The following CNOT2 variants were observed in gnomAD, a reference collection of about 807,000 sequenced individuals.
CNOT2 encodes the protein CCR4-NOT transcription complex subunit 2.
CNOT2 carries 7 observed loss-of-function variants against 72.1 expected under a neutral mutation model. That is an observed-to-expected ratio of 0.10 (90% CI 0.06 to 0.18). CNOT2 has a LOEUF of 0.18. Ranked by LOEUF, CNOT2 falls within the 10% of genes least tolerant of loss-of-function variation. CNOT2 has a pLI of 1.00. For synonymous variants in CNOT2, 196 were observed against 225.6 expected, an observed-to-expected ratio of 0.87 and a Z score of 1.17; for missense variants, 345 against 660.3, an observed-to-expected ratio of 0.52 and a Z score of 5.23.
At chr12:70,301,691 T>TG (rs1874012837) in intron 2 of CNOT2, 1 of 152,156 alleles carries the variant, frequency 6.6e-6, no homozygotes, top group South Asian at 2.1e-4. Flanking sequence ...CTTTTTTTGT[T>TG]GTGTCTCTGC....
chr12:70,335,339 A>C (rs1880532385), intron 7 of CNOT2, 99 bp from the exon 8 acceptor site: 1 of 855,746 alleles, frequency 1.2e-6, no homozygotes, highest in Admixed American at 1.9e-5. Context: ...TTATTTAGGA[A>C]GAAGGCGCAA....
intron 1 of CNOT2, among the ~76,000 whole-genome samples, chr12:70,271,393 T>G (rs1959218828): frequency 6.6e-6 from 1 of 150,700 alleles, no homozygotes; most frequent in African/African-American, 2.4e-5. Context: ...TTTTTTTTTT[T>G]TTTTGAGACA....
In CNOT2 at chr12:70,354,622, T is replaced by A. The variant is rs1883258381; in HGVS notation, c.*707T>A. On this transcript the variant is annotated 3_prime_UTR_variant, in exon 16 of 16. Transcript: ENST00000229195. ...TACATTTTTTTTAAATTTTTGGACA[T>A]CACATGAATAAAGGTATGTATGTAC... is the stretch of plus-strand genomic sequence containing the variant. The A allele has an allele frequency of 6.6e-6, 1 of 152,612 alleles. No homozygotes were observed. The highest frequency in any genetic ancestry group is 1.5e-5 in the Non-Finnish European group (1 of 68,040). The allele number at this position is 152,612 out of a possible 1,614,324, so 9.5% of individuals were successfully genotyped here.
intron 1 of CNOT2, among the ~76,000 whole-genome samples, chr12:70,247,238 C>T (rs541069292): frequency 1.3e-5 from 2 of 151,612 alleles, no homozygotes; most frequent in African/African-American, 2.4e-5. Context: ...GATCTTGGCT[C>T]GCTACCACCT....
chr12:70,249,650 C>G (rs1297709110), intron 1 of CNOT2, among the ~76,000 whole-genome samples: 2 of 152,072 alleles, frequency 1.3e-5, no homozygotes, highest in Admixed American at 6.5e-5. Flanking sequence ...CAAATTGATG[C>G]AGAAGTTTGA....
At chr12:70,323,040 A>G (rs1396784025) in intron 4 of CNOT2, 2 of 151,834 alleles carry the variant, frequency 1.3e-5, no homozygotes, top group Non-Finnish European at 1.5e-5. Flanking sequence ...ACAGACTTTT[A>G]GGGAGCAAAT....
chr12:70,349,631 A>C (rs935034845), intron 15 of CNOT2, among the ~76,000 whole-genome samples: 20 of 152,282 alleles, frequency 1.3e-4, no homozygotes, highest in African/African-American at 4.6e-4. Flanking sequence ...TCCTCTAAAA[A>C]TTTTGTGACC....
chr12:70,257,723 A>G (rs1054737965), intron 1 of CNOT2, among the ~76,000 whole-genome samples: 9 of 152,078 alleles, frequency 5.9e-5, no homozygotes, highest in Non-Finnish European at 1.2e-4. Context: ...GTAATTAGCT[A>G]TTACGCTAAA....
intron 3 of CNOT2, 101 bp from the exon 4 acceptor site, chr12:70,319,197 T>A (rs185941388): frequency 2.2e-6 from 2 of 903,560 alleles, no homozygotes; most frequent in African/African-American, 3.3e-5. Flanking sequence ...GAGAAAATGT[T>A]AGATTTTCAC....
intron 1 of CNOT2, among the ~76,000 whole-genome samples, chr12:70,265,273 TTCTTC>T (rs1555188161): frequency 0.057 from 7,177 of 125,390 alleles, 242 homozygotes; most frequent in Admixed American, 0.099. Flanking sequence ...TTCGTTTTGT[TTCTTC>T]TCTTCTCTTC....
intron 1 of CNOT2, among the ~76,000 whole-genome samples, chr12:70,251,580 C>G (rs371339812): frequency 1.3e-5 from 2 of 152,120 alleles, no homozygotes; most frequent in African/African-American, 4.8e-5. Flanking sequence ...TAAGCAGATT[C>G]GTGTTTCAGG....
At chr12:70,319,428 A>G in intron 4 of CNOT2, 64 bp downstream of exon 4, 1 of 1,464,050 alleles carries the variant, frequency 6.8e-7, no homozygotes, top group South Asian at 1.2e-5. Flanking sequence ...ACTACCAAAT[A>G]AAGAACAACC....
At chr12:70,261,574 C>T (rs1169073707) in intron 1 of CNOT2, among the ~76,000 whole-genome samples, 1 of 151,864 alleles carries the variant, frequency 6.6e-6, no homozygotes, top group Non-Finnish European at 1.5e-5. Context: ...CCTCAGCCTC[C>T]CAAAGTGCTG....
chr12:70,353,912 C>CAAA lies in CNOT2; in HGVS notation c.1620_1621insAAA. On this transcript the variant is annotated inframe_insertion, in exon 16 of 16. Transcript: ENST00000229195. ...ACTACAACCCTGCTCAGCAAGCCTTCTAAAAAAAAAAAAAAAAAAAAAAAA... is the reference window on the plus strand; with the variant it reads ...ACTACAACCCTGCTCAGCAAGCCTTCAAATAAAAAAAAAAAAAAAAAAAAAAAA... 2 of 915,778 alleles carry CAAA rather than the reference C, an allele frequency of 2.2e-6. No homozygotes were observed. The highest frequency in any genetic ancestry group is 4.6e-5 in the Admixed American group (1 of 21,514). The allele number at this position is 915,778 out of a possible 1,614,324, so 56.7% of individuals were successfully genotyped here.
At chr12:70,278,472 T>C (rs539485054) in intron 2 of CNOT2, 198 bp downstream of exon 2, 1 of 463,612 alleles carries the variant, frequency 2.2e-6, no homozygotes, top group African/African-American at 2.0e-5. Context: ...ATATTCATAA[T>C]GTATATTTTT....
At chr12:70,270,364 C>T (rs955119007) in intron 1 of CNOT2, among the ~76,000 whole-genome samples, 1 of 152,028 alleles carries the variant, frequency 6.6e-6, no homozygotes, top group Non-Finnish European at 1.5e-5. Flanking sequence ...TTTTGAATTG[C>T]ACAATTTTTC....
chr12:70,306,469 T>C (rs1875410890), intron 2 of CNOT2, among the ~76,000 whole-genome samples: 1 of 152,214 alleles, frequency 6.6e-6, no homozygotes. Flanking sequence ...TGTTTACTTT[T>C]TAGAATATGC....
At chr12:70,245,568 C>A (rs1957840864) in intron 1 of CNOT2, among the ~76,000 whole-genome samples, 1 of 152,046 alleles carries the variant, frequency 6.6e-6, no homozygotes, top group Non-Finnish European at 1.5e-5. Context: ...CCTGTTTAAC[C>A]AAGCAACAAA....
intron 1 of CNOT2, among the ~76,000 whole-genome samples, chr12:70,253,361 G>T (rs1958245301): frequency 1.3e-5 from 2 of 152,106 alleles, no homozygotes; most frequent in Non-Finnish European, 2.9e-5. Flanking sequence ...TAAAACTCCT[G>T]ACAAGTAGGT....
Sources: allele counts gnomAD v4.1 joint callset (sites outside exome capture counted in the v4.1 genomes callset), GRCh38; gene constraint gnomAD v4.1.1; transcripts MANE v1.5; gene names NCBI Gene and HGNC (gene_info 2026-07-23, HGNC 2026-07-21).